The following VGLL3 variants were observed in gnomAD, a reference collection of about 807,000 sequenced individuals.
VGLL3 encodes the protein vestigial like family member 3.
Under a neutral mutation model 29.2 loss-of-function variants are expected in VGLL3, and 18 were observed. The observed-to-expected ratio is 0.62, with a 90% CI of 0.43 to 0.91. VGLL3 has a LOEUF of 0.91. Among genes scored for constraint, VGLL3 ranks in the 40% least tolerant of loss-of-function variants. The probability of loss-of-function intolerance (pLI) is 0.00; values close to 1 mark genes in which losing one functional copy is unlikely to be tolerated. For synonymous variants in VGLL3, 180 were observed against 151.8 expected, an observed-to-expected ratio of 1.19 and a Z score of -1.36; for missense variants, 440 against 413.2, an observed-to-expected ratio of 1.06 and a Z score of -0.56.
intron 3 of VGLL3, chr3:86,961,922 T>G (rs1420376416): frequency 1.0e-6 from 1 of 979,930 alleles, no homozygotes; most frequent in East Asian, 1.1e-4. Flanking sequence ...TAAAATGCTT[T>G]TTTACTGAAG....
chr3:86,943,401 G>A lies in VGLL3; in HGVS notation c.*3623C>T, dbSNP rs1704439618. The stretch of plus-strand genomic sequence containing the variant: ...AGATAGCAAACTCAAAAGCTAGATA[G>A]GGTGACATATTCTGCAAATCTTAGA... On this transcript the variant is annotated 3_prime_UTR_variant, in exon 4 of 4. Coordinates refer to ENST00000398399, the MANE Select transcript of VGLL3 (RefSeq NM_016206.4). 1 of 152,114 alleles carries A rather than the reference G, an allele frequency of 6.6e-6. No individual in the cohort carries two copies. The highest frequency in any genetic ancestry group is 2.4e-5 in the African/African-American group (1 of 41,436). 9.4% of individuals were successfully genotyped at this position (152,114 alleles called of 1,614,324 possible). A position where few individuals can be genotyped will look rare whatever the true frequency, so the allele number is the denominator to read the frequency against.
At position 86,968,796 on chromosome 3, in the gene VGLL3, T is replaced by A. The variant is rs1409571735; in HGVS notation, c.731A>T (p.His244Leu). The A allele has an allele frequency of 1.2e-6, 2 of 1,614,034 alleles. No homozygotes were observed. The highest frequency in any genetic ancestry group is 1.1e-5 in the South Asian group (1 of 91,072). The part of the protein sequence containing the change: ...AHMHHRHRHH[H>L]HHHHPPAGSA... The stretch of plus-strand genomic sequence containing the variant: ...GCCAGCAGGAGGGTGGTGATGGTGA[T>A]GATGGTGGCGGTGGCGGTGGTGCAT... The change falls in exon 3 of 4, where the codon CAT becomes CTT. Residue 244 changes from histidine (H) to leucine (L), a missense_variant. Physicochemically the swap from His to Leu is moderately conservative, Grantham distance 99. Transcript: ENST00000398399.
chr3:86,977,694 C>A (rs187633248), intron 2 of VGLL3, among the ~76,000 whole-genome samples: 1 of 152,280 alleles, frequency 6.6e-6, no homozygotes, highest in Admixed American at 6.5e-5. Flanking sequence ...TAACAAGCTC[C>A]CATGTGGCAC....
chr3:86,938,771 G>C lies in VGLL3; in HGVS notation c.*8253C>G, dbSNP rs1374804526. On this transcript the variant is annotated 3_prime_UTR_variant, in exon 4 of 4. Coordinates refer to ENST00000398399, the MANE Select transcript of VGLL3 (RefSeq NM_016206.4). Reference sequence around the variant, plus strand: ...TCCACTGCTTAACTGATAGCAGATGGAGTGATTCAATCTGGACAAAAGTGT... The same window carrying C: ...TCCACTGCTTAACTGATAGCAGATGCAGTGATTCAATCTGGACAAAAGTGT... The C allele has an allele frequency of 2.6e-5, 4 of 152,480 alleles. No individual in the cohort carries two copies. Among genetic ancestry groups the C allele is most frequent in the Admixed American group, 2.6e-4 (4 of 15,270 alleles). The allele number at this position is 152,480 out of a possible 1,614,324, so 9.4% of individuals were successfully genotyped here. A position where few individuals can be genotyped will look rare whatever the true frequency, so the allele number is the denominator to read the frequency against.
In VGLL3 at chr3:86,990,731, C is replaced by A; in HGVS notation, c.13G>T (p.Glu5Ter). 7.1e-7 allele frequency: 1 copy of A among 1,417,596 alleles called. No homozygotes were observed. Among genetic ancestry groups the A allele is most frequent in the Non-Finnish European group, 9.2e-7 (1 of 1,085,104 alleles). 87.8% of individuals were successfully genotyped at this position (1,417,596 alleles called of 1,614,324 possible). Residue 5 changes from glutamate (E) to a stop codon, truncating the protein, a stop_gained, in exon 1 of 4, where the codon GAG (glutamate) becomes TAG (stop). Transcript: ENST00000398399. LOFTEE classifies it high-confidence loss of function. ...TAAGGCTGGGGGTGATACATCACCT[C>A]CGCACAACTCATGGCAGCCGGGGCA... MSCA[E>*]VMYHPQPYGA... is the part of the protein sequence containing the mutation.
At chr3:86,979,843 T>G (rs187896747) in intron 1 of VGLL3, among the ~76,000 whole-genome samples, 225 of 152,094 alleles carry the variant, frequency 1.5e-3, no homozygotes, top group Middle Eastern at 3.4e-3. Context: ...GTGCATACAT[T>G]TGGTGGGGAA....
At position 86,968,582 on chromosome 3, in the gene VGLL3, C is replaced by A; in HGVS notation, c.937+8G>T. 1 of 1,598,610 alleles carries A rather than the reference C, an allele frequency of 6.3e-7. No homozygotes were observed. Among genetic ancestry groups the A allele is most frequent in the Middle Eastern group, 1.9e-4 (1 of 5,288 alleles). ...TTGTTATAGGAAGAAAGAAATCCAG[C>A]AGCTTACCTGTATCGAATCCCACGC... On this transcript the variant is annotated splice_region_variant and intron_variant, in intron 3 of 3. Coordinates refer to ENST00000398399, the MANE Select transcript of VGLL3 (RefSeq NM_016206.4).
chr3:86,973,087 A>G (rs1489444724), intron 2 of VGLL3, among the ~76,000 whole-genome samples: 1 of 152,138 alleles, frequency 6.6e-6, no homozygotes, highest in Non-Finnish European at 1.5e-5. Flanking sequence ...ACACACACAC[A>G]CATTACCTCC....
chr3:86,987,924 G>T (rs559492118), intron 1 of VGLL3, among the ~76,000 whole-genome samples: 1 of 152,128 alleles, frequency 6.6e-6, no homozygotes, highest in Non-Finnish European at 1.5e-5. Flanking sequence ...TGTGCTTATC[G>T]GAAAACAGGT....
At position 86,939,849 on chromosome 3, in the gene VGLL3, A is replaced by G. The variant is rs1447209813; in HGVS notation, c.*7175T>C. ...AAGCAAAGGACTCTAGAAGCAGGGA[A>G]CAGCAAGATTCTCTCTTGGAAGCAT... On this transcript the variant is annotated 3_prime_UTR_variant, in exon 4 of 4. Coordinates refer to ENST00000398399, the MANE Select transcript of VGLL3 (RefSeq NM_016206.4). 1 of 152,174 alleles carries G rather than the reference A, an allele frequency of 6.6e-6. No individual in the cohort carries two copies. The highest frequency in any genetic ancestry group is 1.9e-4 in the East Asian group (1 of 5,194). 9.4% of individuals were successfully genotyped at this position (152,174 alleles called of 1,614,324 possible).
rs1282461935 is a variant in VGLL3, at chr3:86,946,888, C to T, written c.*136G>A. The stretch of plus-strand genomic sequence containing the variant: ...TGCTTTCTCAAGAAAGGCCGAAAAC[C>T]AGTCAACTGCGTGACACTTTGTCTT... On this transcript the variant is annotated 3_prime_UTR_variant, in exon 4 of 4. Transcript: ENST00000398399. 7.8e-6 allele frequency: 5 copies of T among 639,508 alleles called. No homozygotes were observed. In the Admixed American group the frequency reaches 1.3e-4, roughly 16 times the overall value. 39.6% of individuals were successfully genotyped at this position (639,508 alleles called of 1,614,324 possible). A position where few individuals can be genotyped will look rare whatever the true frequency, so the allele number is the denominator to read the frequency against.
At chr3:86,984,395 A>G (rs1705391406) in intron 1 of VGLL3, among the ~76,000 whole-genome samples, 2 of 152,194 alleles carry the variant, frequency 1.3e-5, no homozygotes, top group African/African-American at 4.8e-5. Flanking sequence ...CCTCTAAATG[A>G]TTCTTGACAT....
At chr3:86,949,253 C>A (rs1285778192) in intron 3 of VGLL3, among the ~76,000 whole-genome samples, 1 of 152,174 alleles carries the variant, frequency 6.6e-6, no homozygotes, top group African/African-American at 2.4e-5. Flanking sequence ...ATCAGAATAA[C>A]AGAAGTCATT....
intron 3 of VGLL3, among the ~76,000 whole-genome samples, chr3:86,951,863 A>G (rs764839625): frequency 1.3e-5 from 2 of 152,158 alleles, no homozygotes; most frequent in African/African-American, 2.4e-5. Flanking sequence ...AGCATGGGCC[A>G]CCCCAGATGA....
At chr3:86,982,413 T>G (rs916689022) in intron 1 of VGLL3, among the ~76,000 whole-genome samples, 5 of 151,994 alleles carry the variant, frequency 3.3e-5, no homozygotes, top group Non-Finnish European at 7.4e-5. Flanking sequence ...CCCAAAGTGC[T>G]GGGATTACAG....
chr3:86,979,721 T>C (rs1340378859), intron 1 of VGLL3, among the ~76,000 whole-genome samples: 3 of 152,082 alleles, frequency 2.0e-5, no homozygotes, highest in Non-Finnish European at 4.4e-5. Flanking sequence ...TCACAAATCA[T>C]GTAAGCTGCA....
intron 2 of VGLL3, among the ~76,000 whole-genome samples, chr3:86,969,821 TAATCTCATAGG>T (rs1705054524): frequency 6.6e-6 from 1 of 152,086 alleles, no homozygotes; most frequent in South Asian, 2.1e-4. Flanking sequence ...TTTTCATGGA[TAATCTCATAGG>T]AGTTTCATTC....
intron 2 of VGLL3, among the ~76,000 whole-genome samples, chr3:86,978,321 G>A (rs1414815224): frequency 1.3e-5 from 2 of 152,170 alleles, no homozygotes; most frequent in African/African-American, 2.4e-5. Context: ...AATTTAAGGG[G>A]TGTGACTGCA....
At position 86,990,764 on chromosome 3, in the gene VGLL3, C is replaced by A; in HGVS notation, c.-21G>T. On this transcript the variant is annotated 5_prime_UTR_variant, in exon 1 of 4. Coordinates refer to ENST00000398399, the MANE Select transcript of VGLL3 (RefSeq NM_016206.4). Reference sequence around the variant, plus strand: ...CTCATGGCAGCCGGGGCAGTGGCGGCCCCCGAGCTGCCGCCGCCGCTCTAC... The same window carrying A: ...CTCATGGCAGCCGGGGCAGTGGCGGACCCCGAGCTGCCGCCGCCGCTCTAC... The A allele has an allele frequency of 7.7e-7, 1 of 1,291,080 alleles. No homozygotes were observed. The highest frequency in any genetic ancestry group is 1.5e-5 in the African/African-American group (1 of 64,700). 80.0% of individuals were successfully genotyped at this position (1,291,080 alleles called of 1,614,324 possible).
Sources: allele counts gnomAD v4.1 joint callset (sites outside exome capture counted in the v4.1 genomes callset), GRCh38; gene constraint gnomAD v4.1.1; transcripts MANE v1.5; gene names NCBI Gene and HGNC (gene_info 2026-07-23, HGNC 2026-07-21).